RPTOR: variants seen among roughly 807,000 people sequenced by gnomAD.
RPTOR encodes regulatory-associated protein of mTOR.
RPTOR carries 21 observed loss-of-function variants against 169.9 expected under a neutral mutation model. That is an observed-to-expected ratio of 0.12 (90% CI 0.09 to 0.18). The LOEUF (loss-of-function observed/expected upper bound fraction) is 0.18, where lower values mean the gene tolerates loss of function less well. Ranked by LOEUF, RPTOR falls within the 10% of genes least tolerant of loss-of-function variation. RPTOR has a pLI of 1.00. For synonymous variants in RPTOR, 732 were observed against 753.2 expected (o/e 0.97, Z 0.46); for missense variants, 1,133 against 1,855.9 (o/e 0.61, Z 7.16).
At chr17:80,964,047 C>G (rs991981392) in intron 33 of RPTOR, among the ~76,000 whole-genome samples, 10 of 152,180 alleles carry the variant, frequency 6.6e-5, no homozygotes, top group African/African-American at 2.2e-4. Flanking sequence ...ACGCAGGGCC[C>G]GGGGCAGCGC....
chr17:80,620,729 G>C (rs753780266), intron 1 of RPTOR, among the ~76,000 whole-genome samples: 19 of 152,252 alleles, frequency 1.2e-4, no homozygotes, highest in Non-Finnish European at 2.6e-4. Context: ...TCGTGCCACT[G>C]CACGTGATCG....
chr17:80,937,283 A>T (rs1270741790), intron 24 of RPTOR, among the ~76,000 whole-genome samples: 1 of 152,062 alleles, frequency 6.6e-6, no homozygotes, highest in African/African-American at 2.4e-5. Context: ...CCTGTTTTGA[A>T]TTTTATCCCC....
At chr17:80,581,088 T>C (rs4424946) in intron 1 of RPTOR, among the ~76,000 whole-genome samples, 27,769 of 152,216 alleles carry the variant, frequency 0.18, 2,926 homozygotes, top group East Asian at 0.28. Flanking sequence ...TGGATACAGA[T>C]TTGGAAGGCG....
chr17:80,613,759 T>C (rs781169516), intron 1 of RPTOR, among the ~76,000 whole-genome samples: 7 of 151,384 alleles, frequency 4.6e-5, no homozygotes, highest in Non-Finnish European at 8.8e-5. Flanking sequence ...GTGCTCTCTA[T>C]GGTTGAATGA....
chr17:80,741,446 C>T (rs2066481110), intron 5 of RPTOR, among the ~76,000 whole-genome samples: 1 of 152,158 alleles, frequency 6.6e-6, no homozygotes, highest in Non-Finnish European at 1.5e-5. Context: ...CGCTCTGGAT[C>T]AGATGGAGGA....
chr17:80,841,161 G>C (rs1237598087), intron 10 of RPTOR, among the ~76,000 whole-genome samples: 21 of 105,442 alleles, frequency 2.0e-4, no homozygotes, highest in African/African-American at 2.3e-4. Context: ...CCGCACGGCA[G>C]CTCACTCTCA....
chr17:80,644,177 C>T (rs575612855), intron 3 of RPTOR, among the ~76,000 whole-genome samples: 5 of 152,140 alleles, frequency 3.3e-5, no homozygotes, highest in Non-Finnish European at 5.9e-5. Flanking sequence ...CGCTATTCCG[C>T]GTGTCTTCAG....
chr17:80,706,455 A>G (rs868007443), intron 3 of RPTOR, among the ~76,000 whole-genome samples: 6 of 152,046 alleles, frequency 3.9e-5, no homozygotes, highest in South Asian at 4.1e-4. Context: ...CGTTCTCCTC[A>G]CTCAGGTTCT....
chr17:80,792,735 G>A (rs1598307039), intron 7 of RPTOR, among the ~76,000 whole-genome samples: 1 of 152,192 alleles, frequency 6.6e-6, no homozygotes, highest in African/African-American at 2.4e-5. Flanking sequence ...CTTCTGGTTG[G>A]TTTGGTTCCC....
rs2066158786 is a variant in RPTOR, at chr17:80,708,563, C to T, written c.507+564C>T. Among the ~76,000 whole-genome samples the T allele has an allele frequency of 6.6e-6, 1 of 151,256 alleles. No individual in the cohort carries two copies. Among genetic ancestry groups the T allele is most frequent in the Admixed American group, 6.6e-5 (1 of 15,222 alleles). On this transcript the variant is annotated intron_variant, in intron 4 of 33. Transcript: ENST00000306801. The surrounding 1 kb of genome is among the most constrained non-coding windows in gnomAD (Gnocchi z 4.2). ...GGGTGCTGACTGTCATCCCCATCCT[C>T]CAGGGTGTGGTGGGTGCTGACTGTT...
intron 3 of RPTOR, among the ~76,000 whole-genome samples, chr17:80,658,532 C>T (rs772477696): frequency 4.6e-5 from 7 of 152,154 alleles, no homozygotes; most frequent in Non-Finnish European, 8.8e-5. Context: ...TATTACTTTA[C>T]GGAGATGTTC....
At chr17:80,893,446 G>A (rs2143876130) in intron 19 of RPTOR, among the ~76,000 whole-genome samples, 1 of 144,150 alleles carries the variant, frequency 6.9e-6, no homozygotes, top group Admixed American at 6.9e-5. Flanking sequence ...GTGTGTACTG[G>A]GTGTGTATAC....
At chr17:80,661,568 C>CA in intron 3 of RPTOR, among the ~76,000 whole-genome samples, 1 of 152,272 alleles carries the variant, frequency 6.6e-6, no homozygotes, top group Admixed American at 6.5e-5. Flanking sequence ...TGGCACGCTT[C>CA]TTGGGCTGTT....
chr17:80,873,845 C>T (rs2068076852), intron 13 of RPTOR, among the ~76,000 whole-genome samples: 1 of 152,206 alleles, frequency 6.6e-6, no homozygotes, highest in Non-Finnish European at 1.5e-5. Context: ...CATGACTCAG[C>T]GTGGCCTCAG....
intron 6 of RPTOR, among the ~76,000 whole-genome samples, chr17:80,763,867 T>A (rs1290983643): frequency 6.6e-6 from 1 of 152,156 alleles, no homozygotes; most frequent in Admixed American, 6.5e-5. Flanking sequence ...TATTTTATAT[T>A]TTTTATTTTT....
chr17:80,949,621 C>T (rs2069148443), intron 28 of RPTOR, 74 bp downstream of exon 28: 7 of 1,238,752 alleles, frequency 5.7e-6, no homozygotes, highest in Non-Finnish European at 8.3e-6. Context: ...TTCCAAGGCC[C>T]TTCTGGGGCT....
intron 20 of RPTOR, among the ~76,000 whole-genome samples, chr17:80,895,184 C>A (rs1310974344): frequency 6.6e-6 from 1 of 152,220 alleles, no homozygotes; most frequent in African/African-American, 2.4e-5. Context: ...ACTCGCTGCA[C>A]CCAGCTCTGC....
chr17:80,663,291 TA>T (rs1188490266), intron 3 of RPTOR, among the ~76,000 whole-genome samples: 1 of 152,196 alleles, frequency 6.6e-6, no homozygotes, highest in Non-Finnish European at 1.5e-5. Flanking sequence ...GTGTGGACCA[TA>T]TATTTTTATT....
chr17:80,823,177 C>T lies in RPTOR; in HGVS notation c.1090C>T (p.Pro364Ser), dbSNP rs757047831. 6.2e-7 allele frequency: 1 copy of T among 1,614,184 alleles called. No homozygotes were observed. The highest frequency in any genetic ancestry group is 8.5e-7 in the Non-Finnish European group (1 of 1,180,028). ...ERIMRSYNCT[P>S]VSSPRLPPTY... The stretch of plus-strand genomic sequence containing the variant: ...GATTATGAGGTCGTATAACTGCACT[C>T]CCGTCAGCAGCCCGCGTCTGCCGCC... The change falls in exon 9 of 34, where the codon CCC becomes TCC. Residue 364 changes from proline to serine, a missense_variant. Coordinates refer to ENST00000306801, the MANE Select transcript of RPTOR (RefSeq NM_020761.3). This position sits in a 1 kb window ranked among gnomAD's most constrained non-coding sequence, Gnocchi z 4.5.
Sources: gnomAD v4.1 joint callset for allele counts (sites outside exome capture counted in the v4.1 genomes callset) on GRCh38, gnomAD v4.1.1 for gene constraint, Gnocchi (gnomAD v3.1) non-coding constraint, MANE v1.5 for transcripts, NCBI Gene and HGNC (gene_info 2026-07-23, HGNC 2026-07-21) for gene names.